Variants in TTI1 observed in about 807,000 individuals in gnomAD.
TTI1 encodes TELO2-interacting protein 1 homolog.
Under a neutral mutation model 85.4 loss-of-function variants are expected in TTI1, and 52 were observed. The ratio of observed to expected loss-of-function variants is 0.61; its 90% confidence interval spans 0.49 to 0.77. The LOEUF (loss-of-function observed/expected upper bound fraction) is 0.77. Among genes scored for constraint, TTI1 ranks in the 30% least tolerant of loss-of-function variants. The pLI, the probability that TTI1 is intolerant of heterozygous loss-of-function variation, is 0.00. For synonymous variants in TTI1, 512 were observed against 503.9 expected, an observed-to-expected ratio of 1.02 and a Z score of -0.22; for missense variants, 1,173 against 1,296.0, an observed-to-expected ratio of 0.91 and a Z score of 1.46.
chr20:38,016,155 G>A (rs1249214435), intron 1 of TTI1, among the ~76,000 whole-genome samples: 2 of 152,204 alleles, frequency 1.3e-5, no homozygotes, highest in Non-Finnish European at 2.9e-5. Flanking sequence ...GCCCCCAAAT[G>A]CCACTGAAGA....
At chr20:38,027,232 G>A (rs2073847768) in intron 1 of TTI1, among the ~76,000 whole-genome samples, 1 of 152,088 alleles carries the variant, frequency 6.6e-6, no homozygotes, top group African/African-American at 2.4e-5. Context: ...AAATAGTGTA[G>A]TATTTGCATA....
rs755328386 is a variant in TTI1 at position 38,012,657 on chromosome 20, C to T, written c.1160G>A (p.Arg387His). ...CTGGTCATCTTGGGAGTTCATTAGG[C>T]GAGGAAGAGATGTGGCAAGGGAATG... Reference protein sequence around the residue: ...SLHSLATSLPRLMNSQDDQGK... With the variant: ...SLHSLATSLPHLMNSQDDQGK... Residue 387 changes from arginine to histidine, a missense_variant, in exon 2 of 8, where the codon CGC becomes CAC. Arg to His is a conservative substitution (Grantham distance 29, BLOSUM62 0). Transcript: ENST00000373447. 11 of 1,614,094 alleles carry T rather than the reference C, an allele frequency of 6.8e-6. No individual in the cohort carries two copies. The highest frequency in any genetic ancestry group is 1.6e-4 in the Middle Eastern group (1 of 6,062).
chr20:37,993,846 G>C (rs547406635), intron 7 of TTI1, among the ~76,000 whole-genome samples: 1 of 152,224 alleles, frequency 6.6e-6, no homozygotes, highest in Non-Finnish European at 1.5e-5. Flanking sequence ...GGGTAAGTGT[G>C]TGTAAGTGTG....
chr20:37,992,783 T>C (rs1401891648), intron 7 of TTI1, among the ~76,000 whole-genome samples: 1 of 151,992 alleles, frequency 6.6e-6, no homozygotes, highest in Non-Finnish European at 1.5e-5. Context: ...AAACAGAAAT[T>C]TGGGGTGTAT....
At chr20:38,019,388 G>A (rs1261252308) in intron 1 of TTI1, among the ~76,000 whole-genome samples, 1 of 152,090 alleles carries the variant, frequency 6.6e-6, no homozygotes, top group African/African-American at 2.4e-5. Flanking sequence ...TAAAATGCAA[G>A]ACAAGAATAA....
rs769325415 is a variant in TTI1 at position 37,999,181 on chromosome 20, G to A, written c.2793+7C>T. Reference sequence around the variant, plus strand: ...ACAACAGACCATGGGGGATGCTGGTGCAGTACCTTGAAGGCTCTAAGCACT... The same window carrying A: ...ACAACAGACCATGGGGGATGCTGGTACAGTACCTTGAAGGCTCTAAGCACT... On this transcript the variant is annotated splice_region_variant and intron_variant, in intron 5 of 7. Coordinates refer to ENST00000373447, the MANE Select transcript of TTI1 (RefSeq NM_001303457.2). 7 of 1,417,854 alleles carry A rather than the reference G, an allele frequency of 4.9e-6. No individual in the cohort carries two copies. The highest frequency in any genetic ancestry group is 1.9e-4 in the Middle Eastern group (1 of 5,246). The allele number at this position is 1,417,854 out of a possible 1,614,324, so 87.8% of individuals were successfully genotyped here. A position where few individuals can be genotyped will look rare whatever the true frequency, so the allele number is the denominator to read the frequency against.
chr20:38,004,531 C>CA (rs1403713336), intron 3 of TTI1, among the ~76,000 whole-genome samples: 1 of 152,158 alleles, frequency 6.6e-6, no homozygotes, highest in Non-Finnish European at 1.5e-5. Flanking sequence ...GTGCTTAAAA[C>CA]AAAAAACTCA....
chr20:38,002,812 G>A (rs754825363), intron 3 of TTI1, 36 bp from the exon 4 acceptor site: 1 of 1,605,702 alleles, frequency 6.2e-7, no homozygotes, highest in South Asian at 1.1e-5. Flanking sequence ...AGTGTTGTAT[G>A]AGTGATAAAA....
At chr20:37,985,774 C>G (rs2073182920) in intron 7 of TTI1, among the ~76,000 whole-genome samples, 1 of 152,062 alleles carries the variant, frequency 6.6e-6, no homozygotes, top group South Asian at 2.1e-4. Context: ...GTGATCAACC[C>G]TCCTCAGCCT....
At chr20:38,011,194 C>T (rs2122577947) in intron 2 of TTI1, among the ~76,000 whole-genome samples, 2 of 152,314 alleles carry the variant, frequency 1.3e-5, no homozygotes, top group South Asian at 4.1e-4. Flanking sequence ...CTGATTTTAT[C>T]ATTTATTAAT....
At position 38,012,770 on chromosome 20, in the gene TTI1, G is replaced by C. The variant is rs930685213; in HGVS notation, c.1047C>G (p.Ala349=). The change falls in exon 2 of 8, where the codon GCC becomes GCG. Residue 349 remains alanine (A), a synonymous_variant. Transcript: ENST00000373447. ...AATGTCTCAGAACTTTATTGCACTG[G>C]GCTTGGATTTCAGGACTCTCATCAT... is the stretch of plus-strand genomic sequence containing the variant. ...LVNDESPEIQ[A]QCNKVLRHFA... is the part of the protein sequence containing the mutation. 1 of 1,613,984 alleles carries C rather than the reference G, an allele frequency of 6.2e-7. No individual in the cohort carries two copies. Among genetic ancestry groups the C allele is most frequent in the African/African-American group, 1.3e-5 (1 of 74,898 alleles).
intron 1 of TTI1, among the ~76,000 whole-genome samples, chr20:38,020,323 A>AAAAAAAAAATATATATATATATATAT: frequency 4.0e-5 from 2 of 50,378 alleles, no homozygotes; most frequent in African/African-American, 1.8e-4. Flanking sequence ...AAAAAAAAAA[A>AAAAAAAAAATATATATATATATATAT]ATATATATAT....
rs577773113 is a variant in TTI1, at chr20:38,012,406, T to C, written c.1411A>G (p.Ile471Val). Residue 471 changes from isoleucine (I) to valine (V), a missense_variant, in exon 2 of 8, where the codon ATC becomes GTC. Coordinates refer to ENST00000373447, the MANE Select transcript of TTI1 (RefSeq NM_001303457.2). Reference sequence around the variant, plus strand: ...AAGAAGCGGAAATATCTCCTCTGGATGCGGTTCCAAGGCTGTGTGGCTGAG... The same window carrying C: ...AAGAAGCGGAAATATCTCCTCTGGACGCGGTTCCAAGGCTGTGTGGCTGAG... ...KTSATQPWNR[I>V]QRRYFRFFTD... 5 of 1,614,234 alleles carry C rather than the reference T, an allele frequency of 3.1e-6. No homozygotes were observed. In the South Asian group the frequency reaches 4.4e-5, roughly 14 times the overall value.
chr20:37,985,919 G>C (rs1163450660), intron 7 of TTI1, among the ~76,000 whole-genome samples: 5 of 152,180 alleles, frequency 3.3e-5, no homozygotes, highest in Non-Finnish European at 5.9e-5. Flanking sequence ...GTGGTTGTTG[G>C]AGAAGTGATT....
chr20:38,014,346 T>A (rs1281260148), intron 1 of TTI1, among the ~76,000 whole-genome samples: 2 of 152,184 alleles, frequency 1.3e-5, no homozygotes, highest in Non-Finnish European at 2.9e-5. Context: ...CGAAGTAAGA[T>A]ACAAAATAAT....
intron 1 of TTI1, among the ~76,000 whole-genome samples, chr20:38,031,345 T>C (rs1045580712): frequency 1.2e-4 from 19 of 152,218 alleles, no homozygotes; most frequent in African/African-American, 4.3e-4. Context: ...TTCTAGTTCA[T>C]ATCACTCCAG....
At chr20:38,023,051 C>G (rs1476533679) in intron 1 of TTI1, among the ~76,000 whole-genome samples, 1 of 152,176 alleles carries the variant, frequency 6.6e-6, no homozygotes, top group South Asian at 2.1e-4. Context: ...ATGTAAGAAT[C>G]GCCAATACAA....
At chr20:37,997,804 A>C (rs1447423810) in intron 5 of TTI1, among the ~76,000 whole-genome samples, 1 of 152,070 alleles carries the variant, frequency 6.6e-6, no homozygotes, top group Non-Finnish European at 1.5e-5. Flanking sequence ...TATTGTGTAC[A>C]CATCTTTATT....
At chr20:38,013,983 G>A (rs939707559) in intron 1 of TTI1, 126 bp from the exon 2 acceptor site, 2 of 944,646 alleles carry the variant, frequency 2.1e-6, no homozygotes, top group South Asian at 3.5e-5. Context: ...AGGCACTAGG[G>A]GTGCAATGAA....
Sources: allele counts gnomAD v4.1 joint callset (sites outside exome capture counted in the v4.1 genomes callset), GRCh38; gene constraint gnomAD v4.1.1; transcripts MANE v1.5; gene names NCBI Gene and HGNC (gene_info 2026-07-23, HGNC 2026-07-21).